The following C22orf23 variants were observed in gnomAD, a reference collection of about 807,000 sequenced individuals.
C22orf23 encodes the protein UPF0193 protein EVG1.
Under a neutral mutation model 29.7 loss-of-function variants are expected in C22orf23, and 30 were observed. The ratio of observed to expected loss-of-function variants is 1.01; its 90% CI spans 0.76 to 1.37. The LOEUF is 1.37. Ranked by LOEUF, C22orf23 falls within the 40% of genes most tolerant of loss-of-function variation. The pLI, the probability that C22orf23 is intolerant of heterozygous loss-of-function variation, is 0.00. For synonymous variants in C22orf23, 90 were observed against 96.1 expected, an observed-to-expected ratio of 0.94 and a Z score of 0.37; for missense variants, 237 against 273.1, an observed-to-expected ratio of 0.87 and a Z score of 0.93.
At chr22:37,950,078 G>C (rs1022879901) in intron 3 of C22orf23, among the ~76,000 whole-genome samples, 5 of 151,826 alleles carry the variant, frequency 3.3e-5, no homozygotes, top group Admixed American at 6.6e-5. Context: ...AGGATTATAG[G>C]TATAAGCCAC....
chr22:37,951,827 T>TTTTTTTG (rs1931050500), intron 2 of C22orf23: 2 of 141,858 alleles, frequency 1.4e-5, no homozygotes, highest in Non-Finnish European at 2.8e-5. Flanking sequence ...TTTTTTTTTT[T>TTTTTTTG]TTTTTGAGAT....
intron 3 of C22orf23, among the ~76,000 whole-genome samples, chr22:37,950,197 C>A (rs1320725995): frequency 1.3e-5 from 2 of 151,852 alleles, no homozygotes; most frequent in East Asian, 3.9e-4. Flanking sequence ...GCTGCACCCT[C>A]TGCCTGCTGG....
chr22:37,947,997 C>T (rs919505875), intron 3 of C22orf23, among the ~76,000 whole-genome samples: 1 of 151,882 alleles, frequency 6.6e-6, no homozygotes, highest in African/African-American at 2.4e-5. Flanking sequence ...GTCCCTACTG[C>T]TCGGGAGGCT....
At position 37,951,523 on chromosome 22, in the gene C22orf23, C is replaced by T. The variant is rs776707271; in HGVS notation, c.104-1G>A. The T allele has an allele frequency of 1.3e-5, 21 of 1,613,854 alleles. No homozygotes were observed. The highest frequency in any genetic ancestry group is 1.8e-5 in the Non-Finnish European group (21 of 1,179,940). On this transcript the variant is annotated splice_acceptor_variant, in intron 2 of 6. Coordinates refer to ENST00000403305, the MANE Select transcript of C22orf23 (RefSeq NM_032561.5). LOFTEE classifies it high-confidence loss of function. ...GTCAGTTTGGATTCCTTCATCATCA[C>T]TGCACGACAAAGCATTCTATGAGGC...
chr22:37,951,330 A>AGGCATGAGCCACGTGCCC, intron 3 of C22orf23, 130 bp downstream of exon 3: 1 of 793,948 alleles, frequency 1.3e-6, no homozygotes, highest in Non-Finnish European at 2.1e-6. Flanking sequence ...TTGGAATTAC[A>AGGCATGAGCCACGTGCCC]GGCATGAGCC....
At position 37,947,465 on chromosome 22, in the gene C22orf23, T is replaced by A; in HGVS notation, c.167-2A>T. 6.8e-7 allele frequency: 1 copy of A among 1,474,794 alleles called. No individual in the cohort carries two copies. The highest frequency in any genetic ancestry group is 2.8e-5 in the East Asian group (1 of 35,912). 91.4% of individuals were successfully genotyped at this position (1,474,794 alleles called of 1,614,324 possible). On this transcript the variant is annotated splice_acceptor_variant, in intron 3 of 6. Transcript: ENST00000403305. LOFTEE classifies it high-confidence loss of function. ...ACTGTAGGGGCAAAGCATCTCCTCC[T>A]GGGGAACGAAGAGTTGGGGTGGGAG...
intron 3 of C22orf23, among the ~76,000 whole-genome samples, chr22:37,948,268 T>C (rs756315441): frequency 3.9e-5 from 6 of 151,904 alleles, no homozygotes; most frequent in Non-Finnish European, 8.8e-5. Flanking sequence ...GCCAACATGG[T>C]GAAACCCCAT....
In C22orf23 at chr22:37,944,501, CT is replaced by C. The variant is rs542624188; in HGVS notation, c.497del (p.Gln166ArgfsTer94). The C allele has an allele frequency of 8.6e-4, 1,388 of 1,614,032 alleles. 2 individuals carry two copies. Among genetic ancestry groups the C allele is most frequent in the Non-Finnish European group, 1.1e-3 (1,266 of 1,180,018 alleles). ...TGTCAGCCAGGAATTCTTTCCTCTC[CT>C]GGATTTCCTTCACCACTGGACAGAG... ...DRFEELVKEI[Q>X]ERKEFLADME... On this transcript the variant is annotated frameshift_variant, in exon 6 of 7. Coordinates refer to ENST00000403305, the MANE Select transcript of C22orf23 (RefSeq NM_032561.5). LOFTEE classifies it high-confidence loss of function.
intron 3 of C22orf23, among the ~76,000 whole-genome samples, chr22:37,947,923 C>T (rs13055233): frequency 0.021 from 3,127 of 151,076 alleles, 45 homozygotes; most frequent in African/African-American, 0.035. Context: ...CTGGCTAACA[C>T]GGTGTAACCC....
intron 3 of C22orf23, chr22:37,950,942 G>A (rs2145708944): frequency 6.6e-6 from 1 of 151,926 alleles, no homozygotes; most frequent in East Asian, 1.9e-4. Context: ...GCCAGGCGTG[G>A]TGGCTCACTC....
chr22:37,952,015 A>G (rs1183689262), intron 2 of C22orf23, among the ~76,000 whole-genome samples: 1 of 151,600 alleles, frequency 6.6e-6, no homozygotes, highest in Non-Finnish European at 1.5e-5. Context: ...GGGTTTCTCC[A>G]TGTTGGTCAG....
intron 1 of C22orf23, 73 bp from the exon 2 acceptor site, chr22:37,953,231 C>A (rs905874664): frequency 2.8e-6 from 3 of 1,065,926 alleles, no homozygotes; most frequent in Non-Finnish European, 2.8e-6. Flanking sequence ...CGCCCAACAC[C>A]CCCAGAAGTC....
In C22orf23 at chr22:37,943,985, G is replaced by T. The variant is rs1569154403; in HGVS notation, c.*190C>A. 1.6e-6 allele frequency: 1 copy of T among 626,810 alleles called. No individual in the cohort carries two copies. The allele number at this position is 626,810 out of a possible 1,614,324, so 38.8% of individuals were successfully genotyped here. A position where few individuals can be genotyped will look rare whatever the true frequency, so the allele number is the denominator to read the frequency against. Reference sequence around the variant, plus strand: ...GCGGACGGGGCTGTGAGTCTCAGAGGCTCCATCTGCATTCCGGGGCAGGGG... The same window carrying T: ...GCGGACGGGGCTGTGAGTCTCAGAGTCTCCATCTGCATTCCGGGGCAGGGG... On this transcript the variant is annotated 3_prime_UTR_variant, in exon 7 of 7. Transcript: ENST00000403305.
chr22:37,946,165 A>AGGAGAATG (rs1161882147), intron 4 of C22orf23, among the ~76,000 whole-genome samples: 1 of 152,038 alleles, frequency 6.6e-6, no homozygotes, highest in African/African-American at 2.4e-5. Context: ...AGGCTGAGGC[A>AGGAGAATG]GGAGAATGGC....
At chr22:37,946,410 C>T (rs980164375) in intron 4 of C22orf23, among the ~76,000 whole-genome samples, 4 of 151,150 alleles carry the variant, frequency 2.6e-5, no homozygotes, top group Non-Finnish European at 5.9e-5. Flanking sequence ...TGGGTGACAG[C>T]GCGAGACTCC....
chr22:37,944,318 G>C, intron 6 of C22orf23, 72 bp from the exon 7 acceptor site: 1 of 1,613,660 alleles, frequency 6.2e-7, no homozygotes, highest in Non-Finnish European at 8.5e-7. Context: ...CAGTGAGCTA[G>C]AGCCTGACCC....
chr22:37,944,457 C>A lies in C22orf23; in HGVS notation c.542G>T (p.Gly181Val), dbSNP rs1364334316. 6.2e-7 allele frequency: 1 copy of A among 1,614,170 alleles called. No individual in the cohort carries two copies. The highest frequency in any genetic ancestry group is 2.2e-5 in the East Asian group (1 of 44,892). The part of the protein sequence containing the change: ...FLADMEALGQ[G>V]KQYRGIILAE... ...AAGGATGATTCCTCGGTACTGTTTG[C>A]CCTGTCCCAGGGCCTCCATGTCAGC... Residue 181 changes from glycine (G) to valine (V), a missense_variant, in exon 6 of 7, where the codon GGC (glycine) becomes GTC (valine). By Grantham distance (109) the Gly-to-Val change is moderately radical. Coordinates refer to ENST00000403305, the MANE Select transcript of C22orf23 (RefSeq NM_032561.5).
chr22:37,948,749 T>C (rs1930848302), intron 3 of C22orf23, among the ~76,000 whole-genome samples: 1 of 152,236 alleles, frequency 6.6e-6, no homozygotes, highest in African/African-American at 2.4e-5. Context: ...GTCTCCTTCC[T>C]TTTTGATGCT....
intron 2 of C22orf23, 178 bp downstream of exon 2, chr22:37,952,869 C>G: frequency 1.8e-6 from 1 of 565,808 alleles, no homozygotes; most frequent in South Asian, 2.0e-5. Context: ...GTGAACTGCG[C>G]ACGCGAGGGA....
Sources: gnomAD v4.1 joint callset for allele counts (sites outside exome capture counted in the v4.1 genomes callset) on GRCh38, gnomAD v4.1.1 for gene constraint, MANE v1.5 for transcripts, NCBI Gene and HGNC (gene_info 2026-07-23, HGNC 2026-07-21) for gene names.